The following DERL3 variants were observed in gnomAD, a reference collection of about 807,000 sequenced individuals.
DERL3 encodes derlin-3.
A neutral mutation model predicts 23.8 loss-of-function variants in DERL3; 20 were observed. The ratio of observed to expected loss-of-function variants is 0.84; its 90% CI spans 0.59 to 1.22. The LOEUF (loss-of-function observed/expected upper bound fraction) is 1.22, where lower values mean the gene tolerates loss of function less well. Ranked by LOEUF, DERL3 falls within the 50% of genes most tolerant of loss-of-function variation. The pLI is 0.00. For synonymous variants in DERL3, 145 were observed against 132.5 expected, an observed-to-expected ratio of 1.09 and a Z score of -0.65; for missense variants, 319 against 304.1, an observed-to-expected ratio of 1.05 and a Z score of -0.36.
intron 4 of DERL3, 141 bp downstream of exon 4, chr22:23,838,209 GCA>G (rs1474414833): frequency 6.5e-6 from 10 of 1,548,622 alleles, no homozygotes; most frequent in African/African-American, 2.7e-5. Flanking sequence ...CTGCAGCTGA[GCA>G]CAGAGTGGGC....
chr22:23,834,992 G>A lies in DERL3; in HGVS notation c.*1877C>T, dbSNP rs544997053. 2.7e-6 allele frequency: 4 copies of A among 1,499,106 alleles called. No homozygotes were observed. The highest frequency in any genetic ancestry group is 2.4e-5 in the East Asian group (1 of 41,526). 92.9% of individuals were successfully genotyped at this position (1,499,106 alleles called of 1,614,324 possible). Reference sequence around the variant, plus strand: ...GGCTGTCGCCAGCCTGGGTGCAGGAGGGCTGTTCTAGCTCCAGTGGCACCC... The same window carrying A: ...GGCTGTCGCCAGCCTGGGTGCAGGAAGGCTGTTCTAGCTCCAGTGGCACCC... On this transcript the variant is annotated 3_prime_UTR_variant, in exon 7 of 7. Transcript: ENST00000318109.
Position 23,838,413 on chromosome 22 carries a change from G to T in DERL3, c.266C>A (p.Ser89Tyr). 1.2e-6 allele frequency: 2 copies of T among 1,609,612 alleles called. No individual in the cohort carries two copies. The highest frequency in any genetic ancestry group is 4.5e-5 in the East Asian group (2 of 44,696). The part of the protein sequence containing the change: ...FRYCRMLEEG[S>Y]FRGRTADFVF... ...GAAGTCGGCCGTGCGGCCGCGGAAG[G>T]AGCCCTCTTCCAGCATGCGGCAGTA... Residue 89 changes from serine (S) to tyrosine (Y), a missense_variant, in exon 4 of 7, where the codon TCC (serine) becomes TAC (tyrosine). By Grantham distance (144) the Ser-to-Tyr change is moderately radical. Coordinates refer to ENST00000318109, the MANE Select transcript of DERL3 (RefSeq NM_001002862.3).
In DERL3 at chr22:23,834,935, G is replaced by T; in HGVS notation, c.*1934C>A. 6.2e-7 allele frequency: 1 copy of T among 1,606,414 alleles called. No homozygotes were observed. On this transcript the variant is annotated 3_prime_UTR_variant, in exon 7 of 7. Transcript: ENST00000318109. ...GGGCCTTGCTGCTCTGAAGTCCCCT[G>T]CGGAGGGCCCAGTCCTGTGTGGGCA...
In DERL3 at chr22:23,837,863, G is replaced by A; in HGVS notation, c.328-9C>T. On this transcript the variant is annotated splice_polypyrimidine_tract_variant and intron_variant, in intron 4 of 6. Transcript: ENST00000318109. ...CCCAGGAGTCCCAGCAGCTGGGCCA[G>A]AGTCAAGGTGCTCCGGTGCAGGCCT... 1 of 1,608,376 alleles carries A rather than the reference G, an allele frequency of 6.2e-7. No individual in the cohort carries two copies. Among genetic ancestry groups the A allele is most frequent in the Non-Finnish European group, 8.5e-7 (1 of 1,176,662 alleles).
chr22:23,836,962 T>C lies in DERL3; in HGVS notation c.615A>G (p.Leu205=). ...CTGCAGGGGCATCCAGGAGCAGCTTTCTGTGGGGAGGGGCCCGTGTTGAGC... is the reference window on the plus strand; with the variant it reads ...CTGCAGGGGCATCCAGGAGCAGCTTCCTGTGGGGAGGGGCCCGTGTTGAGC... ...GKRLLQTPGF[L]KLLLDAPAED... Residue 205 remains leucine, a splice_region_variant and synonymous_variant, in exon 7 of 7, where the codon CTA becomes CTG. Transcript: ENST00000318109. 1 of 1,599,530 alleles carries C rather than the reference T, an allele frequency of 6.3e-7. No individual in the cohort carries two copies. Among genetic ancestry groups the C allele is most frequent in the Non-Finnish European group, 8.5e-7 (1 of 1,173,354 alleles).
rs542449624 is a variant in DERL3, at chr22:23,838,936, G to A, written c.52C>T (p.Arg18Trp). 5.1e-6 allele frequency: 8 copies of A among 1,580,994 alleles called. No individual in the cohort carries two copies. The highest frequency in any genetic ancestry group is 3.6e-5 in the Admixed American group (2 of 54,874). ...AEFLQVPAVT[R>W]AYTAACVLTT... Reference sequence around the variant, plus strand: ...AGGACACAGGCTGCGGTGTAAGCCCGCGTCACCGCCGGCACCTGCAGGAAC... The same window carrying A: ...AGGACACAGGCTGCGGTGTAAGCCCACGTCACCGCCGGCACCTGCAGGAAC... The change falls in exon 1 of 7, where the codon CGG becomes TGG. Residue 18 changes from arginine to tryptophan, a missense_variant. Transcript: ENST00000318109.
At position 23,834,873 on chromosome 22, in the gene DERL3, C is replaced by A. The variant is rs373086060; in HGVS notation, c.*1996G>T. On this transcript the variant is annotated 3_prime_UTR_variant, in exon 7 of 7. Coordinates refer to ENST00000318109, the MANE Select transcript of DERL3 (RefSeq NM_001002862.3). ...TCCTGCCGTCCCTGGGCCGCCCTGG[C>A]TCTGCTGTGTCCAGATGGTCAGGCT... is the stretch of plus-strand genomic sequence containing the variant. 2 of 1,612,606 alleles carry A rather than the reference C, an allele frequency of 1.2e-6. No homozygotes were observed. The highest frequency in any genetic ancestry group is 1.7e-6 in the Non-Finnish European group (2 of 1,179,796).
Position 23,836,973 on chromosome 22 carries a change from GGGCCCGTGTTGAGCACA to G in DERL3, c.615-28_615-12del, listed in dbSNP as rs759983083. On this transcript the variant is annotated splice_polypyrimidine_tract_variant and intron_variant, in intron 6 of 6. Coordinates refer to ENST00000318109, the MANE Select transcript of DERL3 (RefSeq NM_001002862.3). ...TCCAGGAGCAGCTTTCTGTGGGGAG[GGGCCCGTGTTGAGCACA>G]GGCCAGCACAGGTCCCCATCGGTGG... 1 of 1,601,832 alleles carries G rather than the reference GGGCCCGTGTTGAGCACA, an allele frequency of 6.2e-7. No individual in the cohort carries two copies. The highest frequency in any genetic ancestry group is 8.5e-7 in the Non-Finnish European group (1 of 1,174,214).
chr22:23,837,648 G>T lies in DERL3; in HGVS notation c.523+11C>A, dbSNP rs1271600206. On this transcript the variant is annotated intron_variant, in intron 5 of 6. Transcript: ENST00000318109. ...CAGCCTGGGGCGGACTAGATGTACC[G>T]GGAGGCTCACCCAGCAGGTCCACGA... The T allele has an allele frequency of 6.2e-7, 1 of 1,610,144 alleles. No homozygotes were observed.
In DERL3 at chr22:23,835,023, C is replaced by A; in HGVS notation, c.*1846G>T. On this transcript the variant is annotated 3_prime_UTR_variant, in exon 7 of 7. Transcript: ENST00000318109. ...TTCTAGCTCCAGTGGCACCCATAGC[C>A]AGGTCAGCTGGGGCCCTTTCCCACC... 7.0e-7 allele frequency: 1 copy of A among 1,428,756 alleles called. No homozygotes were observed. 88.5% of individuals were successfully genotyped at this position (1,428,756 alleles called of 1,614,324 possible). A position where few individuals can be genotyped will look rare whatever the true frequency, so the allele number is the denominator to read the frequency against.
Position 23,834,758 on chromosome 22 carries a change from TGTGAG to T in DERL3, c.*2106_*2110del, listed in dbSNP as rs1170564561. On this transcript the variant is annotated 3_prime_UTR_variant, in exon 7 of 7. Transcript: ENST00000318109. ...GACCCAGAGAGCTGAGAAGAGTAGC[TGTGAG>T]GCTCAGGGCAAGAGGCTCTCTGCCT... is the stretch of plus-strand genomic sequence containing the variant. 6 of 1,434,258 alleles carry T rather than the reference TGTGAG, an allele frequency of 4.2e-6. No individual in the cohort carries two copies. Among genetic ancestry groups the T allele is most frequent in the South Asian group, 2.6e-5 (2 of 77,478 alleles). 88.8% of individuals were successfully genotyped at this position (1,434,258 alleles called of 1,614,324 possible).
At chr22:23,837,988 A>AG (rs1488678240) in intron 4 of DERL3, 134 bp from the exon 5 acceptor site, 1 of 1,240,442 alleles carries the variant, frequency 8.1e-7, no homozygotes, top group Admixed American at 2.6e-5. Flanking sequence ...CCAGTCCAAT[A>AG]AAGGCGACAC....
In DERL3 at chr22:23,837,224, C is replaced by T. The variant is rs1325782007; in HGVS notation, c.524-70G>A. 4 of 1,569,546 alleles carry T rather than the reference C, an allele frequency of 2.5e-6. No homozygotes were observed. The Admixed American group carries it at 5.7e-5, about 23-fold the overall frequency. On this transcript the variant is annotated intron_variant, in intron 5 of 6. Coordinates refer to ENST00000318109, the MANE Select transcript of DERL3 (RefSeq NM_001002862.3). ...AGTCCTAGACCAGCAGAGCCTGCCC[C>T]AGGCCCCCATCCACAGCCTGGTGGC...
At position 23,838,388 on chromosome 22, in the gene DERL3, G is replaced by A. The variant is rs1327668330; in HGVS notation, c.291C>T (p.Phe97=). 6 of 1,610,010 alleles carry A rather than the reference G, an allele frequency of 3.7e-6. No homozygotes were observed. The African/African-American group carries it at 6.7e-5, about 18-fold the overall frequency. ...CGCCCCCGAAGAGAAACATGAAGAC[G>A]AAGTCGGCCGTGCGGCCGCGGAAGG... ...EGSFRGRTAD[F]VFMFLFGGVL... Residue 97 remains phenylalanine, a synonymous_variant, in exon 4 of 7, where the codon TTC becomes TTT. Coordinates refer to ENST00000318109, the MANE Select transcript of DERL3 (RefSeq NM_001002862.3).
chr22:23,838,696 G>A lies in DERL3; in HGVS notation c.159+15C>T. Reference sequence around the variant, plus strand: ...TGGGTCGGGCCCACAGGTGCGCGGCGCGGGGCGGCCTCACCTGGAACTTCC... The same window carrying A: ...TGGGTCGGGCCCACAGGTGCGCGGCACGGGGCGGCCTCACCTGGAACTTCC... On this transcript the variant is annotated intron_variant, in intron 2 of 6. Transcript: ENST00000318109. 6.5e-7 allele frequency: 1 copy of A among 1,548,558 alleles called. No individual in the cohort carries two copies.
At position 23,834,615 on chromosome 22, in the gene DERL3, T is replaced by A. The variant is rs1384590805; in HGVS notation, c.*2254A>T. 39 of 744,030 alleles carry A rather than the reference T, an allele frequency of 5.2e-5. No homozygotes were observed. Among genetic ancestry groups the A allele is most frequent in the Non-Finnish European group, 8.1e-5 (35 of 434,362 alleles). 46.1% of individuals were successfully genotyped at this position (744,030 alleles called of 1,614,324 possible). A position where few individuals can be genotyped will look rare whatever the true frequency, so the allele number is the denominator to read the frequency against. On this transcript the variant is annotated 3_prime_UTR_variant, in exon 7 of 7. Transcript: ENST00000318109. Reference sequence around the variant, plus strand: ...GGACGAAGGTGGTATGTGAACAAGGTTGGCACACAGGCCTCACCCTCCTCT... The same window carrying A: ...GGACGAAGGTGGTATGTGAACAAGGATGGCACACAGGCCTCACCCTCCTCT...
In DERL3 at chr22:23,835,360, C is replaced by T. The variant is rs2030962245; in HGVS notation, c.*1509G>A. On this transcript the variant is annotated 3_prime_UTR_variant, in exon 7 of 7. Transcript: ENST00000318109. ...CACAGATCCCAGCACAGACTGCTGC[C>T]ACCCTCAGCTGTTGGCAGGTCCCAT... 2.0e-6 allele frequency: 2 copies of T among 992,660 alleles called. No homozygotes were observed. The highest frequency in any genetic ancestry group is 3.5e-5 in the African/African-American group (2 of 57,596). 61.5% of individuals were successfully genotyped at this position (992,660 alleles called of 1,614,324 possible). A position where few individuals can be genotyped will look rare whatever the true frequency, so the allele number is the denominator to read the frequency against.
rs993721470 is a variant in DERL3 at position 23,835,788 on chromosome 22, G to T, written c.*1081C>A. On this transcript the variant is annotated 3_prime_UTR_variant, in exon 7 of 7. Coordinates refer to ENST00000318109, the MANE Select transcript of DERL3 (RefSeq NM_001002862.3). Reference sequence around the variant, plus strand: ...CCTGTGTCTCCACAACTGGGGGGATGGAAGGAACCTTGGCTGCCTCACCCC... The same window carrying T: ...CCTGTGTCTCCACAACTGGGGGGATTGAAGGAACCTTGGCTGCCTCACCCC... 3 of 985,494 alleles carry T rather than the reference G, an allele frequency of 3.0e-6. No individual in the cohort carries two copies. In the East Asian group the frequency reaches 3.4e-4, roughly 112 times the overall value. 61.0% of individuals were successfully genotyped at this position (985,494 alleles called of 1,614,324 possible).
Position 23,834,699 on chromosome 22 carries a change from T to A in DERL3, c.*2170A>T. ...ATGGGGCTCCGGGTAGCACCTCAGC[T>A]CCTCTCAGCTCCCCTCAGCCTGTTC... On this transcript the variant is annotated 3_prime_UTR_variant, in exon 7 of 7. Coordinates refer to ENST00000318109, the MANE Select transcript of DERL3 (RefSeq NM_001002862.3). 1 of 1,304,054 alleles carries A rather than the reference T, an allele frequency of 7.7e-7. No homozygotes were observed. Among genetic ancestry groups the A allele is most frequent in the Non-Finnish European group, 1.0e-6 (1 of 967,098 alleles). The allele number at this position is 1,304,054 out of a possible 1,614,324, so 80.8% of individuals were successfully genotyped here.
Sources: allele counts gnomAD v4.1 joint callset, GRCh38; gene constraint gnomAD v4.1.1; transcripts MANE v1.5; gene names NCBI Gene and HGNC (gene_info 2026-07-23, HGNC 2026-07-21).